Variants in MELK observed in about 807,000 individuals in gnomAD.
MELK encodes the protein pEg3 kinase.
A neutral mutation model predicts 85.0 loss-of-function variants in MELK; 81 were observed. The ratio of observed to expected loss-of-function variants is 0.95; its 90% confidence interval spans 0.80 to 1.15. The LOEUF (loss-of-function observed/expected upper bound fraction) is 1.15, where lower values mean the gene tolerates loss of function less well. MELK is among the 50% of genes most tolerant of loss of function. The pLI is 0.00. For synonymous variants in MELK, 252 were observed against 265.0 expected, an observed-to-expected ratio of 0.95 and a Z score of 0.48; for missense variants, 754 against 777.5, an observed-to-expected ratio of 0.97 and a Z score of 0.36.
Position 36,657,352 on chromosome 9 carries a change from C to T in MELK, c.1165C>T (p.Arg389Ter), listed in dbSNP as rs759231335. The part of the protein sequence containing the change: ...DDLSTGAATP[R>*]TSQFTKYWTE... Reference sequence around the variant, plus strand: ...TTTATCAACAGGTGCTGCTACTCCCCGAACATCACAGGTTCGTCATTCTTA... The same window carrying T: ...TTTATCAACAGGTGCTGCTACTCCCTGAACATCACAGGTTCGTCATTCTTA... The change falls in exon 13 of 18, where the codon CGA (arginine) becomes TGA (stop). Residue 389 changes from arginine to a stop codon, truncating the protein, a stop_gained. Transcript: ENST00000298048. LOFTEE classifies it high-confidence loss of function. 21 of 1,607,518 alleles carry T rather than the reference C, an allele frequency of 1.3e-5. No individual in the cohort carries two copies. The highest frequency in any genetic ancestry group is 8.6e-5 in the Admixed American group (5 of 58,092).
intron 16 of MELK, among the ~76,000 whole-genome samples, chr9:36,671,733 G>A (rs954162288): frequency 2.6e-5 from 4 of 152,078 alleles, no homozygotes; most frequent in African/African-American, 9.7e-5. Flanking sequence ...AGTCAAGGAA[G>A]GAAAGGAAAA....
chr9:36,629,096 A>G (rs969856898), intron 8 of MELK, among the ~76,000 whole-genome samples: 2 of 151,496 alleles, frequency 1.3e-5, no homozygotes, highest in African/African-American at 4.9e-5. Flanking sequence ...TGAACTCCTG[A>G]CCTCGTGATC....
chr9:36,608,953 C>G (rs1371257684), intron 8 of MELK, among the ~76,000 whole-genome samples: 1 of 152,218 alleles, frequency 6.6e-6, no homozygotes, highest in Non-Finnish European at 1.5e-5. Context: ...AATGCTGTGT[C>G]AAATCACATT....
chr9:36,659,415 C>T (rs1455622710), intron 13 of MELK, among the ~76,000 whole-genome samples: 7 of 152,200 alleles, frequency 4.6e-5, no homozygotes, highest in Non-Finnish European at 2.9e-5. Context: ...GATTTATCCC[C>T]TCCTCAGGAT....
chr9:36,671,771 T>A (rs1832914413), intron 16 of MELK, among the ~76,000 whole-genome samples: 1 of 152,230 alleles, frequency 6.6e-6, no homozygotes, highest in African/African-American at 2.4e-5. Flanking sequence ...ATAAAGTACT[T>A]TTTATTCTCT....
intron 14 of MELK, 150 bp from the exon 15 acceptor site, chr9:36,669,160 A>G (rs1832657772): frequency 2.3e-6 from 1 of 428,386 alleles, no homozygotes; most frequent in South Asian, 8.7e-5. Context: ...ACATTTCTTG[A>G]AAGAATTAGA....
rs990607518 is a variant in MELK at position 36,654,736 on chromosome 9, A to G, written c.1054-2505A>G. Among the ~76,000 whole-genome samples, 11 of 152,084 alleles carry G rather than the reference A, an allele frequency of 7.2e-5. 1 individual carries two copies. The highest frequency in any genetic ancestry group is 2.0e-4 in the Admixed American group (3 of 15,248). The stretch of plus-strand genomic sequence containing the variant: ...GTAAGTGGAAAAGACCTGGAAATAT[A>G]TTTACTCTTATCTTCCATCTACTCC... On this transcript the variant is annotated intron_variant, in intron 12 of 17. Coordinates refer to ENST00000298048, the MANE Select transcript of MELK (RefSeq NM_014791.4).
chr9:36,648,811 T>C (rs1830444494), intron 11 of MELK, among the ~76,000 whole-genome samples: 1 of 152,186 alleles, frequency 6.6e-6, no homozygotes, highest in South Asian at 2.1e-4. Context: ...ATCATACACA[T>C]AGAACCTCTC....
At chr9:36,630,785 G>A (rs1828501329) in intron 9 of MELK, among the ~76,000 whole-genome samples, 1 of 148,784 alleles carries the variant, frequency 6.7e-6, no homozygotes, top group Non-Finnish European at 1.5e-5. Context: ...TTCCGAGTAG[G>A]TGGGATTACA....
chr9:36,585,640 T>C (rs893533405), intron 3 of MELK, among the ~76,000 whole-genome samples: 4 of 151,940 alleles, frequency 2.6e-5, no homozygotes, highest in African/African-American at 9.7e-5. Flanking sequence ...TTATCAAACA[T>C]AAAAAATAAT....
At chr9:36,644,861 T>C (rs993230556) in intron 11 of MELK, among the ~76,000 whole-genome samples, 78 of 152,284 alleles carry the variant, frequency 5.1e-4, no homozygotes, top group African/African-American at 1.7e-3. Context: ...TACCACTTTC[T>C]CCCTTCTTCC....
At chr9:36,597,451 T>TC (rs1824413542) in intron 6 of MELK, among the ~76,000 whole-genome samples, 161 bp downstream of exon 6, 4 of 152,230 alleles carry the variant, frequency 2.6e-5, no homozygotes. Flanking sequence ...TTGTAAGTTC[T>TC]CTAGATGATC....
intron 13 of MELK, among the ~76,000 whole-genome samples, chr9:36,660,972 C>A (rs1014561590): frequency 2.6e-5 from 4 of 152,086 alleles, no homozygotes; most frequent in African/African-American, 9.7e-5. Context: ...GCCTGGGCAA[C>A]AAGAGCAAAA....
At chr9:36,629,291 T>C (rs1828275639) in intron 8 of MELK, among the ~76,000 whole-genome samples, 1 of 152,254 alleles carries the variant, frequency 6.6e-6, no homozygotes, top group African/African-American at 2.4e-5. Context: ...TGATTTCTGC[T>C]GTGAGAAACT....
rs1564232340 is a variant in MELK at position 36,669,398 on chromosome 9, TGA to T, written c.1501_1502del (p.Arg501AlafsTer30). On this transcript the variant is annotated frameshift_variant, in exon 15 of 18. Transcript: ENST00000298048. LOFTEE classifies it high-confidence loss of function. ...DKLMTGVISPERRCRSVELDL... is the reference protein window; with the variant it reads ...DKLMTGVISPXRRCRSVELDL... ...AGTTAATGACAGGTGTCATTAGCCC[TGA>T]GAGGCGGTAAGTGTTTGGTTTTTTT... 2.5e-6 allele frequency: 4 copies of T among 1,595,658 alleles called. No homozygotes were observed. Among genetic ancestry groups the T allele is most frequent in the Non-Finnish European group, 3.4e-6 (4 of 1,172,942 alleles).
In MELK at chr9:36,572,898, A is replaced by G. The variant is rs1488845108; in HGVS notation, c.-148A>G. The G allele has an allele frequency of 6.6e-6, 1 of 151,894 alleles. No homozygotes were observed. The highest frequency in any genetic ancestry group is 6.6e-5 in the Admixed American group (1 of 15,252). 9.4% of individuals were successfully genotyped at this position (151,894 alleles called of 1,614,324 possible). ...CCCTTGGCGGGCGGAAGCGGCCACAACCCGGCGATCGAAAAGATTCTTAGG... is the reference window on the plus strand; with the variant it reads ...CCCTTGGCGGGCGGAAGCGGCCACAGCCCGGCGATCGAAAAGATTCTTAGG... On this transcript the variant is annotated 5_prime_UTR_variant, in exon 1 of 18. Coordinates refer to ENST00000298048, the MANE Select transcript of MELK (RefSeq NM_014791.4).
intron 3 of MELK, among the ~76,000 whole-genome samples, chr9:36,588,467 C>T (rs959336785): frequency 1.0e-4 from 15 of 149,752 alleles, no homozygotes; most frequent in African/African-American, 3.8e-4. Context: ...GCAACCTCCA[C>T]CTCCTGGGTT....
chr9:36,641,286 C>T (rs1829728993), intron 10 of MELK, among the ~76,000 whole-genome samples: 1 of 152,206 alleles, frequency 6.6e-6, no homozygotes, highest in South Asian at 2.1e-4. Context: ...GTACTAGGCG[C>T]TTGCTCTATG....
At chr9:36,624,688 CTTTA>C (rs1401948850) in intron 8 of MELK, among the ~76,000 whole-genome samples, 2 of 152,114 alleles carry the variant, frequency 1.3e-5, no homozygotes, top group African/African-American at 4.8e-5. Context: ...GTAGAGCTCT[CTTTA>C]TTTAGTACTT....
Sources: gnomAD v4.1 joint callset for allele counts (sites outside exome capture counted in the v4.1 genomes callset) on GRCh38, gnomAD v4.1.1 for gene constraint, MANE v1.5 for transcripts, NCBI Gene and HGNC (gene_info 2026-07-23, HGNC 2026-07-21) for gene names.